The following KMT2C variants were observed in gnomAD, a reference collection of about 807,000 sequenced individuals.
The protein encoded by KMT2C is lysine methyltransferase 2C.
KMT2C carries 88 observed loss-of-function variants against 507.9 expected under a neutral mutation model. The observed-to-expected ratio is 0.17, with a 90% CI of 0.15 to 0.21. The LOEUF is 0.21. Ranked by LOEUF, KMT2C falls within the 10% of genes least tolerant of loss-of-function variation. The pLI is 1.00. For missense variants in KMT2C, 4,954 were observed against 5,957.8 expected (o/e 0.83, Z 5.55); for synonymous variants, 2,049 against 2,080.8 (o/e 0.98, Z 0.42).
chr7:152,425,507 G>T (rs2097807752), intron 1 of KMT2C, among the ~76,000 whole-genome samples: 1 of 152,140 alleles, frequency 6.6e-6, no homozygotes. Flanking sequence ...AACCAGGGAG[G>T]CATAGGTTGC....
chr7:152,319,879 C>T (rs1433120349), intron 3 of KMT2C, among the ~76,000 whole-genome samples: 2 of 152,166 alleles, frequency 1.3e-5, no homozygotes, highest in East Asian at 3.9e-4. Context: ...GGCTCCCTGT[C>T]CACTGGACAT....
chr7:152,386,383 A>G (rs1175253433), intron 1 of KMT2C, among the ~76,000 whole-genome samples: 1 of 152,306 alleles, frequency 6.6e-6, no homozygotes, highest in Non-Finnish European at 1.5e-5. Context: ...GAGAGGTGAA[A>G]AGTGACTTGC....
chr7:152,307,449 T>C (rs535023902), intron 6 of KMT2C, among the ~76,000 whole-genome samples: 2 of 152,020 alleles, frequency 1.3e-5, no homozygotes, highest in Non-Finnish European at 2.9e-5. Context: ...GACACAAAAC[T>C]GACACTCCTG....
intron 14 of KMT2C, among the ~76,000 whole-genome samples, chr7:152,243,078 CTAT>C (rs2095413807): frequency 1.3e-5 from 2 of 152,194 alleles, no homozygotes. Flanking sequence ...AAACACTTCA[CTAT>C]TTAGGGAATT....
chr7:152,166,749 A>G (rs944101720), intron 42 of KMT2C, among the ~76,000 whole-genome samples: 3 of 152,202 alleles, frequency 2.0e-5, no homozygotes, highest in African/African-American at 7.2e-5. Flanking sequence ...TAAACCCAGT[A>G]TCTCCCCATG....
At chr7:152,276,233 TAC>T (rs2096077026) in intron 6 of KMT2C, among the ~76,000 whole-genome samples, 2 of 152,332 alleles carry the variant, frequency 1.3e-5, no homozygotes, top group East Asian at 3.9e-4. Context: ...TTACTATATA[TAC>T]ACAGTCTGGA....
intron 3 of KMT2C, among the ~76,000 whole-genome samples, chr7:152,329,486 C>G (rs1182060381): frequency 6.6e-6 from 1 of 151,840 alleles, no homozygotes; most frequent in African/African-American, 2.4e-5. Flanking sequence ...GGGAGGATCA[C>G]CTGAGCCTGG....
At chr7:152,341,041 CCA>C (rs1214982150) in intron 2 of KMT2C, among the ~76,000 whole-genome samples, 4 of 152,140 alleles carry the variant, frequency 2.6e-5, no homozygotes, top group African/African-American at 7.2e-5. Flanking sequence ...CTAAAATAAA[CCA>C]ACAAATTACA....
chr7:152,235,214 T>C (rs1468076784), intron 16 of KMT2C, among the ~76,000 whole-genome samples: 1 of 151,200 alleles, frequency 6.6e-6, no homozygotes, highest in Non-Finnish European at 1.5e-5. Flanking sequence ...GGTGTATATA[T>C]ATATATATAT....
chr7:152,308,673 CAAAA>C (rs938826373), intron 6 of KMT2C, among the ~76,000 whole-genome samples: 538 of 24,510 alleles, frequency 0.022, 2 homozygotes, highest in African/African-American at 0.075. Context: ...AAACTCCTCT[CAAAA>C]AAAAAAAAAA....
chr7:152,282,514 C>A lies in KMT2C; in HGVS notation c.850-8647G>T, dbSNP rs74806576. Among the ~76,000 whole-genome samples, 610 of 133,088 alleles carry A rather than the reference C, an allele frequency of 4.6e-3. 1 individual carries two copies. Among genetic ancestry groups the A allele is most frequent in the South Asian group, 7.6e-3 (31 of 4,090 alleles). The allele number at this position is 133,088 out of a possible 152,430, so 87.3% of individuals were successfully genotyped here. On this transcript the variant is annotated intron_variant, in intron 6 of 58. Transcript: ENST00000262189. ...ACTATACATCAATGAGAAAAATAAA[C>A]GACTGGAAGGAACAATTTGGATTTA...
At chr7:152,166,123 ATTTTTT>A (rs1190668716) in intron 42 of KMT2C, among the ~76,000 whole-genome samples, 7 of 135,932 alleles carry the variant, frequency 5.1e-5, no homozygotes, top group East Asian at 4.3e-4. Flanking sequence ...GAGCACTCAC[ATTTTTT>A]TTTTTTTTTT....
intron 9 of KMT2C, among the ~76,000 whole-genome samples, chr7:152,259,449 C>CGT (rs1491051530): frequency 1.4e-4 from 7 of 48,464 alleles, no homozygotes; most frequent in African/African-American, 5.0e-4. Context: ...CACACGCGCA[C>CGT]ACACACACAC....
At chr7:152,227,701 C>T (rs4024406) in intron 18 of KMT2C, among the ~76,000 whole-genome samples, 38 of 152,354 alleles carry the variant, frequency 2.5e-4, no homozygotes, top group African/African-American at 8.2e-4. Context: ...GAAGCAATAA[C>T]GACTAAGAGC....
At chr7:152,247,499 A>C (rs2095490379) in intron 14 of KMT2C, among the ~76,000 whole-genome samples, 1 of 152,304 alleles carries the variant, frequency 6.6e-6, no homozygotes, top group Non-Finnish European at 1.5e-5. Flanking sequence ...AGTTAAAAAT[A>C]TATACAATGA....
chr7:152,387,494 G>A (rs1176083923), intron 1 of KMT2C, among the ~76,000 whole-genome samples: 8 of 135,470 alleles, frequency 5.9e-5, no homozygotes, highest in African/African-American at 8.7e-5. Flanking sequence ...TTTTTGAGAC[G>A]GAGTCTCGCT....
intron 43 of KMT2C, 63 bp downstream of exon 43, chr7:152,162,054 A>G: frequency 6.8e-7 from 1 of 1,462,834 alleles, no homozygotes; most frequent in Non-Finnish European, 9.0e-7. Flanking sequence ...GCTGGTACTA[A>G]TCTGCTGTAA....
At chr7:152,191,155 G>A (rs1192516817) in intron 31 of KMT2C, among the ~76,000 whole-genome samples, 1 of 152,068 alleles carries the variant, frequency 6.6e-6, no homozygotes. Flanking sequence ...CTTCCCACAT[G>A]TGCAATTAGC....
Position 152,262,003 on chromosome 7 carries a change from C to T in KMT2C, c.1299+1013G>A, listed in dbSNP as rs570175774. Among the ~76,000 whole-genome samples the T allele has an allele frequency of 9.4e-4, 143 of 152,160 alleles. 1 individual carries two copies. Among genetic ancestry groups the T allele is most frequent in the Non-Finnish European group, 1.7e-3 (116 of 68,016 alleles). On this transcript the variant is annotated intron_variant, in intron 9 of 58. Transcript: ENST00000262189. ...AGGAGAGAAAGCCCCTCCCCTCAAC[C>T]CCCACCACTCAGGCAGATGCCTAAT... is the stretch of plus-strand genomic sequence containing the variant.
Sources: allele counts gnomAD v4.1 joint callset (sites outside exome capture counted in the v4.1 genomes callset), GRCh38; gene constraint gnomAD v4.1.1; transcripts MANE v1.5; gene names NCBI Gene and HGNC (gene_info 2026-07-23, HGNC 2026-07-21).